SLC30A3: variants seen among roughly 807,000 people sequenced by gnomAD.
SLC30A3 encodes the protein solute carrier family 30 member 3, also known as probable proton-coupled zinc antiporter SLC30A3.
SLC30A3 carries 20 observed loss-of-function variants against 35.6 expected under a neutral mutation model. The ratio of observed to expected loss-of-function variants is 0.56; its 90% confidence interval spans 0.39 to 0.82. The LOEUF (loss-of-function observed/expected upper bound fraction) is 0.82. Among genes scored for constraint, SLC30A3 ranks in the 40% least tolerant of loss-of-function variants. The probability of loss-of-function intolerance (pLI) is 0.00; values close to 1 mark genes in which losing one functional copy is unlikely to be tolerated. For missense variants in SLC30A3, 401 were observed against 530.6 expected (o/e 0.76, Z 2.40); for synonymous variants, 217 against 224.7 (o/e 0.97, Z 0.31).
Position 27,254,979 on chromosome 2 carries a change from A to C in SLC30A3, c.*333T>G. The C allele has an allele frequency of 2.1e-5, 19 of 909,720 alleles. No individual in the cohort carries two copies. Among genetic ancestry groups the C allele is most frequent in the Non-Finnish European group, 2.7e-5 (18 of 674,394 alleles). The allele number at this position is 909,720 out of a possible 1,614,324, so 56.4% of individuals were successfully genotyped here. On this transcript the variant is annotated 3_prime_UTR_variant, in exon 8 of 8. Transcript: ENST00000233535. ...GCCAGCCTGCCACACAGACAAATGGACTGCAGGGAAAGGATGTTCGTGGCT... is the reference window on the plus strand; with the variant it reads ...GCCAGCCTGCCACACAGACAAATGGCCTGCAGGGAAAGGATGTTCGTGGCT...
rs1044603441 is a variant in SLC30A3, at chr2:27,271,429, G to A, written c.-159+3748C>T. 1.3e-5 allele frequency among the ~76,000 whole-genome samples: 2 copies of A among 152,220 alleles called. No homozygotes were observed. The highest frequency in any genetic ancestry group is 4.8e-5 in the African/African-American group (2 of 41,456). ...GCAAATGATCCAAGAAATGGTTTTA[G>A]TCTGTAATCATTCTTTGGCAGTTAT... is the stretch of plus-strand genomic sequence containing the variant. On this transcript the variant is annotated intron_variant, in intron 1 of 5. Coordinates refer to the SLC30A3 transcript ENST00000424577. The surrounding 1 kb of genome is among the most constrained non-coding windows in gnomAD (Gnocchi z 4.3).
chr2:27,255,101 C>T lies in SLC30A3; in HGVS notation c.*211G>A. 6.6e-7 allele frequency: 1 copy of T among 1,519,624 alleles called. No individual in the cohort carries two copies. Among genetic ancestry groups the T allele is most frequent in the African/African-American group, 1.4e-5 (1 of 72,994 alleles). The allele number at this position is 1,519,624 out of a possible 1,614,324, so 94.1% of individuals were successfully genotyped here. A position where few individuals can be genotyped will look rare whatever the true frequency, so the allele number is the denominator to read the frequency against. ...CGCCCCTGAACTAGTCACATCTATT[C>T]CCCTGACTCCCACCCCACTCCCCGC... On this transcript the variant is annotated 3_prime_UTR_variant, in exon 8 of 8. Transcript: ENST00000233535. The surrounding 1 kb of genome is among the most constrained non-coding windows in gnomAD (Gnocchi z 5.2).
rs1409774957 is a variant in SLC30A3 at position 27,255,398 on chromosome 2, C to T, written c.1081G>A (p.Gly361Arg). 1 of 1,614,118 alleles carries T rather than the reference C, an allele frequency of 6.2e-7. No individual in the cohort carries two copies. Among genetic ancestry groups the T allele is most frequent in the African/African-American group, 1.3e-5 (1 of 75,030 alleles). ...ACCTGCAGGGTGCAGCTGGAGAATC[C>T]AAACCGGGAGTAGAGCCGGGATGAG... ...EASSRLYSRF[G>R]FSSCTLQVEQ... Residue 361 changes from glycine (G) to arginine (R), a missense_variant, in exon 8 of 8, where the codon GGA (glycine) becomes AGA (arginine). By Grantham distance (125) the Gly-to-Arg change is moderately radical. Coordinates refer to ENST00000233535, the MANE Select transcript of SLC30A3 (RefSeq NM_003459.5). The surrounding 1 kb of genome is among the most constrained non-coding windows in gnomAD (Gnocchi z 5.2).
Position 27,262,790 on chromosome 2 carries a change from G to T in SLC30A3, c.95+22C>A. ...AGTAGGGTGGCGCCCCCGGGCCGAG[G>T]GCCAGCCCAGGTCTGTCCTACCTCT... is the stretch of plus-strand genomic sequence containing the variant. On this transcript the variant is annotated intron_variant, in intron 1 of 7. Coordinates refer to ENST00000233535, the MANE Select transcript of SLC30A3 (RefSeq NM_003459.5). This position sits in a 1 kb window ranked among gnomAD's most constrained non-coding sequence, Gnocchi z 7.5. 6.5e-7 allele frequency: 1 copy of T among 1,530,672 alleles called. No individual in the cohort carries two copies. The highest frequency in any genetic ancestry group is 2.3e-5 in the Admixed American group (1 of 44,442). 94.8% of individuals were successfully genotyped at this position (1,530,672 alleles called of 1,614,324 possible).
In SLC30A3 at chr2:27,262,768, A is replaced by G; in HGVS notation, c.95+44T>C. On this transcript the variant is annotated intron_variant, in intron 1 of 7. Transcript: ENST00000233535. The surrounding 1 kb of genome is among the most constrained non-coding windows in gnomAD (Gnocchi z 7.5). The stretch of plus-strand genomic sequence containing the variant: ...GACAACGAAATGGACGGAGGGTAGT[A>G]GGGTGGCGCCCCCGGGCCGAGGGCC... 2 of 1,473,746 alleles carry G rather than the reference A, an allele frequency of 1.4e-6. No homozygotes were observed. Among genetic ancestry groups the G allele is most frequent in the African/African-American group, 1.5e-5 (1 of 67,060 alleles). 91.3% of individuals were successfully genotyped at this position (1,473,746 alleles called of 1,614,324 possible). A position where few individuals can be genotyped will look rare whatever the true frequency, so the allele number is the denominator to read the frequency against.
Position 27,256,532 on chromosome 2 carries a change from A to C in SLC30A3, c.884-12T>G, listed in dbSNP as rs756908173. On this transcript the variant is annotated splice_polypyrimidine_tract_variant and intron_variant, in intron 6 of 7. Coordinates refer to ENST00000233535, the MANE Select transcript of SLC30A3 (RefSeq NM_003459.5). ...ATTGCGGGGGGTACCTGCAACCAGC[A>C]CCAGTCATGCCTTACTGCTAGGGCT... The C allele has an allele frequency of 5.0e-6, 8 of 1,613,754 alleles. No homozygotes were observed. The African/African-American group carries it at 1.1e-4, about 22-fold the overall frequency.
intron 1 of SLC30A3, among the ~76,000 whole-genome samples, chr2:27,270,278 A>G (rs1677676552): frequency 6.6e-6 from 1 of 152,206 alleles, no homozygotes; most frequent in African/African-American, 2.4e-5. Context: ...TAGAAGTATT[A>G]AAACAGAGGA....
In SLC30A3 at chr2:27,256,502, C is replaced by A; in HGVS notation, c.902G>T (p.Gly301Val). Residue 301 changes from glycine to valine, a missense_variant, in exon 7 of 8, where the codon GGG becomes GTG. Transcript: ENST00000233535. ...CAGCGTATCCCGCACAGGTTCGAAC[C>A]CCACATTGCGGGGGGTACCTGCAAC... ...ILMEGTPRNV[G>V]FEPVRDTLLS... The A allele has an allele frequency of 1.2e-6, 2 of 1,614,048 alleles. No homozygotes were observed. The highest frequency in any genetic ancestry group is 1.7e-6 in the Non-Finnish European group (2 of 1,180,008).
In SLC30A3 at chr2:27,254,200, T is replaced by C. The variant is rs1265195072; in HGVS notation, c.*1112A>G. Reference sequence around the variant, plus strand: ...CCAAGCCCACATCAGTGCTATGGTCTAGCCATTCTCCCTCAAAGGGACCCA... The same window carrying C: ...CCAAGCCCACATCAGTGCTATGGTCCAGCCATTCTCCCTCAAAGGGACCCA... On this transcript the variant is annotated 3_prime_UTR_variant, in exon 8 of 8. Transcript: ENST00000233535. 1 of 152,248 alleles carries C rather than the reference T, an allele frequency of 6.6e-6. No homozygotes were observed. The highest frequency in any genetic ancestry group is 1.9e-4 in the East Asian group (1 of 5,196). The allele number at this position is 152,248 out of a possible 1,614,324, so 9.4% of individuals were successfully genotyped here. A position where few individuals can be genotyped will look rare whatever the true frequency, so the allele number is the denominator to read the frequency against.
chr2:27,256,572 G>T (rs776456398), intron 6 of SLC30A3, 52 bp from the exon 7 acceptor site: 1 of 1,609,520 alleles, frequency 6.2e-7, no homozygotes, highest in South Asian at 1.1e-5. Flanking sequence ...CTGCCCAGAA[G>T]CAGCACCCCC....
chr2:27,264,565 C>T (rs1007393084), upstream of SLC30A3, among the ~76,000 whole-genome samples: 1 of 152,208 alleles, frequency 6.6e-6, no homozygotes, highest in African/African-American at 2.4e-5. This position sits in a 1 kb window ranked among gnomAD's most constrained non-coding sequence, Gnocchi z 6.1. Flanking sequence ...TGCTGCAGAG[C>T]GGCACGGGAG....
Position 27,255,246 on chromosome 2 carries a change from G to A in SLC30A3, c.*66C>T, listed in dbSNP as rs1382638489. On this transcript the variant is annotated 3_prime_UTR_variant, in exon 8 of 8. Transcript: ENST00000233535. The surrounding 1 kb of genome is among the most constrained non-coding windows in gnomAD (Gnocchi z 5.2). Reference sequence around the variant, plus strand: ...GCTCGGTCCCGTCTCTGTGATCAGGGCAGCAGATGCTGAGAGTCTGGGGCT... The same window carrying A: ...GCTCGGTCCCGTCTCTGTGATCAGGACAGCAGATGCTGAGAGTCTGGGGCT... 6.2e-7 allele frequency: 1 copy of A among 1,610,026 alleles called. No individual in the cohort carries two copies. The highest frequency in any genetic ancestry group is 1.7e-5 in the Admixed American group (1 of 59,842).
In SLC30A3 at chr2:27,272,355, G is replaced by A. The variant is rs150101092; in HGVS notation, c.-159+2822C>T. 3.5e-3 allele frequency among the ~76,000 whole-genome samples: 528 copies of A among 152,230 alleles called. 4 individuals carry two copies. Among genetic ancestry groups the A allele is most frequent in the African/African-American group, 0.01 (428 of 41,530 alleles). ...TCCAGGTTACATTGGATCAGCAGACGGCCCTCAGCTATAGCTCATTCAAGA... is the reference window on the plus strand; with the variant it reads ...TCCAGGTTACATTGGATCAGCAGACAGCCCTCAGCTATAGCTCATTCAAGA... On this transcript the variant is annotated intron_variant, in intron 1 of 5. Coordinates refer to the SLC30A3 transcript ENST00000424577.
rs141701006 is a variant in SLC30A3 at position 27,257,056 on chromosome 2, G to A, written c.777+98C>T. On this transcript the variant is annotated intron_variant, in intron 5 of 7. Transcript: ENST00000233535. This position sits in a 1 kb window ranked among gnomAD's most constrained non-coding sequence, Gnocchi z 4.7. ...GAGTCCTGGGAGGTGGGAGGGAGGA[G>A]CTGGAGGGAGGAGGAAGGAAGCTTT... 1.6e-6 allele frequency: 2 copies of A among 1,287,348 alleles called. No individual in the cohort carries two copies. Among genetic ancestry groups the A allele is most frequent in the Non-Finnish European group, 2.3e-6 (2 of 887,100 alleles). The allele number at this position is 1,287,348 out of a possible 1,614,324, so 79.7% of individuals were successfully genotyped here.
At chr2:27,267,104 A>G (rs1177330408), upstream of SLC30A3, among the ~76,000 whole-genome samples, 1 of 152,036 alleles carries the variant, frequency 6.6e-6, no homozygotes, top group Non-Finnish European at 1.5e-5. Flanking sequence ...CCATGTCAGA[A>G]TATGGTAACT....
chr2:27,262,689 G>GGAGC lies in SLC30A3; in HGVS notation c.95+119_95+122dup, dbSNP rs1331660983. The GGAGC allele has an allele frequency of 1.1e-6, 1 of 947,428 alleles. No individual in the cohort carries two copies. Among genetic ancestry groups the GGAGC allele is most frequent in the African/African-American group, 1.8e-5 (1 of 56,654 alleles). 58.7% of individuals were successfully genotyped at this position (947,428 alleles called of 1,614,324 possible). On this transcript the variant is annotated intron_variant, in intron 1 of 7. Transcript: ENST00000233535. This position sits in a 1 kb window ranked among gnomAD's most constrained non-coding sequence, Gnocchi z 7.5. ...CAGAGGGGATGAAGCGGGGTGCAGC[G>GGAGC]GAGCGAGGGACCCGCGGTGCGCTGG...
At chr2:27,272,965 T>A (rs1042596181) in intron 1 of SLC30A3, among the ~76,000 whole-genome samples, 3 of 149,670 alleles carry the variant, frequency 2.0e-5, no homozygotes, top group Non-Finnish European at 4.4e-5. Context: ...GGTGGGAGGA[T>A]GGCTTGAGCC....
At chr2:27,265,305 A>G (rs373830283), upstream of SLC30A3, among the ~76,000 whole-genome samples, 46 of 152,316 alleles carry the variant, frequency 3.0e-4, no homozygotes, top group African/African-American at 1.1e-3. This position sits in a 1 kb window ranked among gnomAD's most constrained non-coding sequence, Gnocchi z 5.9. Flanking sequence ...CGCCTCCAGA[A>G]ACCGAGGGCG....
rs1250699687 is a variant in SLC30A3 at position 27,254,823 on chromosome 2, A to G, written c.*489T>C. 1 of 299,058 alleles carries G rather than the reference A, an allele frequency of 3.3e-6. No homozygotes were observed. The highest frequency in any genetic ancestry group is 4.8e-5 in the Admixed American group (1 of 20,972). 18.5% of individuals were successfully genotyped at this position (299,058 alleles called of 1,614,324 possible). A position where few individuals can be genotyped will look rare whatever the true frequency, so the allele number is the denominator to read the frequency against. Reference sequence around the variant, plus strand: ...ACAGACAAAACCACAGGGCTAAGACACACGGACAAAGTGCGGGCTTTGGGG... The same window carrying G: ...ACAGACAAAACCACAGGGCTAAGACGCACGGACAAAGTGCGGGCTTTGGGG... On this transcript the variant is annotated 3_prime_UTR_variant, in exon 8 of 8. Coordinates refer to ENST00000233535, the MANE Select transcript of SLC30A3 (RefSeq NM_003459.5).
Sources: allele counts gnomAD v4.1 joint callset (sites outside exome capture counted in the v4.1 genomes callset), GRCh38; gene constraint gnomAD v4.1.1; non-coding constraint Gnocchi (gnomAD v3.1); transcripts MANE v1.5; gene names NCBI Gene and HGNC (gene_info 2026-07-23, HGNC 2026-07-21).